PKNOX2: variants seen among roughly 807,000 people sequenced by gnomAD.
PKNOX2 encodes the protein homeobox protein PKNOX2.
A neutral mutation model predicts 53.1 loss-of-function variants in PKNOX2; 14 were observed. The ratio of observed to expected loss-of-function variants is 0.26; its 90% CI spans 0.17 to 0.41. The LOEUF is 0.41. Ranked by LOEUF, PKNOX2 falls within the 10% of genes least tolerant of loss-of-function variation. The pLI is 1.00. For missense variants in PKNOX2, 496 were observed against 602.8 expected, an observed-to-expected ratio of 0.82 and a Z score of 1.85; for synonymous variants, 257 against 242.8, an observed-to-expected ratio of 1.06 and a Z score of -0.54.
At chr11:125,280,603 C>T (rs1946491545) in intron 2 of PKNOX2, among the ~76,000 whole-genome samples, 1 of 152,180 alleles carries the variant, frequency 6.6e-6, no homozygotes, top group Admixed American at 6.5e-5. Flanking sequence ...CTCCAGGAAA[C>T]CCTTACTGGG....
chr11:125,377,402 G>A (rs1952904924), intron 5 of PKNOX2, among the ~76,000 whole-genome samples: 2 of 152,334 alleles, frequency 1.3e-5, no homozygotes, highest in South Asian at 4.1e-4. Flanking sequence ...CTGCACAGAA[G>A]GCATGTTGGC....
intron 5 of PKNOX2, among the ~76,000 whole-genome samples, chr11:125,381,077 G>C (rs1349400096): frequency 5.9e-5 from 9 of 152,334 alleles, no homozygotes; most frequent in Admixed American, 5.9e-4. Flanking sequence ...TCAGTGGGCA[G>C]TGCAGTGTCT....
At chr11:125,347,279 C>T (rs1264242280) in intron 3 of PKNOX2, among the ~76,000 whole-genome samples, 1 of 152,190 alleles carries the variant, frequency 6.6e-6, no homozygotes, top group Non-Finnish European at 1.5e-5. Flanking sequence ...GCTGTCAGGC[C>T]AGCTGGCCAG....
intron 7 of PKNOX2, among the ~76,000 whole-genome samples, chr11:125,402,542 G>A (rs545001501): frequency 6.6e-6 from 1 of 152,148 alleles, no homozygotes; most frequent in African/African-American, 2.4e-5. Context: ...GGCACTCACT[G>A]TATGTTCTGT....
chr11:125,202,075 C>T lies in PKNOX2; in HGVS notation c.-200-32970C>T, dbSNP rs1251044076. Reference sequence around the variant, plus strand: ...AGAGGGTCCGTGCGGCTGGGACTCCCAACAAGACGGCCTTTGTATTCATTT... The same window carrying T: ...AGAGGGTCCGTGCGGCTGGGACTCCTAACAAGACGGCCTTTGTATTCATTT... On this transcript the variant is annotated intron_variant, in intron 1 of 12. Transcript: ENST00000298282. 2.0e-5 allele frequency among the ~76,000 whole-genome samples: 3 copies of T among 152,356 alleles called. No homozygotes were observed. In the South Asian group the frequency reaches 6.2e-4, roughly 32 times the overall value.
At chr11:125,298,319 C>G (rs1396272185) in intron 2 of PKNOX2, among the ~76,000 whole-genome samples, 4 of 152,176 alleles carry the variant, frequency 2.6e-5, no homozygotes, top group African/African-American at 9.7e-5. Context: ...TGTGGACCAC[C>G]TTGTGTATGC....
At chr11:125,254,621 T>C (rs542467169) in intron 2 of PKNOX2, among the ~76,000 whole-genome samples, 3 of 152,222 alleles carry the variant, frequency 2.0e-5, no homozygotes, top group Non-Finnish European at 4.4e-5. Flanking sequence ...CCTGCACAGG[T>C]TGTGTAGGGG....
At chr11:125,303,884 C>T (rs760333052) in intron 2 of PKNOX2, among the ~76,000 whole-genome samples, 25 of 152,220 alleles carry the variant, frequency 1.6e-4, no homozygotes, top group Non-Finnish European at 3.5e-4. Flanking sequence ...GTTTGCATGT[C>T]CATTGCAAAA....
chr11:125,247,905 C>T (rs1437136529), intron 2 of PKNOX2, among the ~76,000 whole-genome samples: 1 of 152,274 alleles, frequency 6.6e-6, no homozygotes, highest in Non-Finnish European at 1.5e-5. Context: ...CTTCCCATCC[C>T]GCTAGCTCCT....
chr11:125,372,713 C>G (rs893368805), intron 5 of PKNOX2, among the ~76,000 whole-genome samples: 1 of 152,218 alleles, frequency 6.6e-6, no homozygotes, highest in African/African-American at 2.4e-5. Context: ...TCTCCTTCCT[C>G]GCAGCTCCAG....
At chr11:125,175,306 T>C (rs1051034808) in intron 1 of PKNOX2, among the ~76,000 whole-genome samples, 6 of 152,166 alleles carry the variant, frequency 3.9e-5, no homozygotes, top group African/African-American at 1.4e-4. Context: ...CGGAGCACCA[T>C]TGGCTGCTGG....
intron 2 of PKNOX2, among the ~76,000 whole-genome samples, chr11:125,272,898 AT>A (rs1162576995): frequency 6.6e-6 from 1 of 152,236 alleles, no homozygotes; most frequent in Non-Finnish European, 1.5e-5. Context: ...CAGAAGCAGC[AT>A]TGAGCACTGA....
intron 2 of PKNOX2, among the ~76,000 whole-genome samples, chr11:125,238,245 A>C (rs1387579913): frequency 1.3e-5 from 2 of 152,230 alleles, no homozygotes; most frequent in Non-Finnish European, 2.9e-5. Flanking sequence ...AGAATGGCTA[A>C]CACCAAAGGG....
intron 10 of PKNOX2, among the ~76,000 whole-genome samples, chr11:125,423,659 C>T (rs1229018802): frequency 6.6e-6 from 1 of 152,150 alleles, no homozygotes; most frequent in Non-Finnish European, 1.5e-5. Context: ...ACACTTGCAG[C>T]CTGCCCCTTG....
At chr11:125,315,829 C>G (rs563554934) in intron 2 of PKNOX2, among the ~76,000 whole-genome samples, 24 of 152,004 alleles carry the variant, frequency 1.6e-4, no homozygotes, top group African/African-American at 5.3e-4. Context: ...ACCCCCTACC[C>G]GAGGCTTAAA....
At position 125,379,873 on chromosome 11, in the gene PKNOX2, T is replaced by C. The variant is rs1260506284; in HGVS notation, c.228-5678T>C. 2.0e-5 allele frequency among the ~76,000 whole-genome samples: 3 copies of C among 152,162 alleles called. No homozygotes were observed. In the East Asian group the frequency reaches 5.8e-4, roughly 29 times the overall value. On this transcript the variant is annotated intron_variant, in intron 5 of 12. Coordinates refer to ENST00000298282, the MANE Select transcript of PKNOX2 (RefSeq NM_001382323.2). ...ATCAACACATCTGGTTTAATCACCT[T>C]CTTAAGCTAGCACAAGACTGCAATT...
chr11:125,192,828 G>A (rs986487744), intron 1 of PKNOX2, among the ~76,000 whole-genome samples: 9 of 152,180 alleles, frequency 5.9e-5, no homozygotes, highest in African/African-American at 1.9e-4. Flanking sequence ...AGGTCGAGGG[G>A]GCTTGGTTTT....
At chr11:125,392,690 T>C (rs1363377409) in intron 6 of PKNOX2, among the ~76,000 whole-genome samples, 2 of 152,196 alleles carry the variant, frequency 1.3e-5, no homozygotes, top group African/African-American at 4.8e-5. Context: ...TAAGTATAAA[T>C]TGGTTATATA....
chr11:125,178,645 A>AGAAGGAAG (rs1555108397), intron 1 of PKNOX2, among the ~76,000 whole-genome samples: 2,362 of 28,360 alleles, frequency 0.083, 302 homozygotes, highest in Admixed American at 0.25. Flanking sequence ...AAAGAAAGAA[A>AGAAGGAAG]GAAGGAAGGA....
Sources: allele counts gnomAD v4.1 joint callset (sites outside exome capture counted in the v4.1 genomes callset), GRCh38; gene constraint gnomAD v4.1.1; transcripts MANE v1.5; gene names NCBI Gene and HGNC (gene_info 2026-07-23, HGNC 2026-07-21).